Variants in MACF1 observed in about 807,000 individuals in gnomAD.
The protein encoded by MACF1 is microtubule-actin cross-linking factor 1.
A neutral mutation model predicts 854.8 loss-of-function variants in MACF1; 193 were observed. That is an observed-to-expected ratio of 0.23 (90% CI 0.20 to 0.25). MACF1 has a LOEUF of 0.25. Ranked by LOEUF, MACF1 falls within the 10% of genes least tolerant of loss-of-function variation. MACF1 has a pLI of 1.00. For synonymous variants in MACF1, 3,185 were observed against 3,226.7 expected (o/e 0.99, Z 0.44); for missense variants, 7,722 against 8,929.1 (o/e 0.86, Z 5.45).
chr1:39,115,560 G>T (rs998146389), intron 2 of MACF1, among the ~76,000 whole-genome samples: 1 of 152,070 alleles, frequency 6.6e-6, no homozygotes, highest in Non-Finnish European at 1.5e-5. Context: ...GTTACATTGC[G>T]GTCGAGGCTT....
intron 2 of MACF1, among the ~76,000 whole-genome samples, chr1:39,133,873 A>C (rs1264488359): frequency 6.6e-6 from 1 of 152,096 alleles, no homozygotes; most frequent in Non-Finnish European, 1.5e-5. Context: ...GTCCAGAAAA[A>C]TTCTTACAAA....
intron 4 of MACF1, among the ~76,000 whole-genome samples, chr1:39,253,917 G>A (rs1002781046): frequency 6.6e-6 from 1 of 152,150 alleles, no homozygotes; most frequent in Non-Finnish European, 1.5e-5. Flanking sequence ...CTTTCTCTAC[G>A]ATAGCATTTA....
intron 35 of MACF1, among the ~76,000 whole-genome samples, 184 bp downstream of exon 35, chr1:39,324,918 G>A (rs968452565): frequency 1.3e-5 from 2 of 152,224 alleles, no homozygotes; most frequent in Non-Finnish European, 1.5e-5. Context: ...GATTTTAAAT[G>A]TGATTGTGTT....
chr1:39,477,389 T>G (rs1644929648), intron 97 of MACF1, among the ~76,000 whole-genome samples: 1 of 151,880 alleles, frequency 6.6e-6, no homozygotes, highest in South Asian at 2.1e-4. Flanking sequence ...CATGCCTAGC[T>G]AATTTTTTAA....
chr1:39,170,397 A>T (rs1361291971), intron 2 of MACF1, among the ~76,000 whole-genome samples: 4 of 152,212 alleles, frequency 2.6e-5, no homozygotes. Flanking sequence ...CTTTCATTCG[A>T]CAAATGTGTA....
At chr1:39,086,812 G>A (rs996970382) in intron 2 of MACF1, among the ~76,000 whole-genome samples, 1 of 152,184 alleles carries the variant, frequency 6.6e-6, no homozygotes. Context: ...GGTGGGTGCT[G>A]CGCTGTGCTG....
In MACF1 at chr1:39,480,939, G is replaced by A. The variant is rs758540390; in HGVS notation, c.22190G>A (p.Arg7397His). ...TCACAGACTTCACTTCAGTTCTCTC[G>A]CTGTTATGACAAACCCTGGTTGGTA... is the stretch of plus-strand genomic sequence containing the variant. ...SGTKTSLQFS[R>H]CYDKPWLVNS... Residue 7397 changes from arginine to histidine, a missense_variant, in exon 99 of 101, where the codon CGC (arginine) becomes CAC (histidine). Arg to His is a conservative substitution (Grantham distance 29). Transcript: ENST00000564288. 191 of 1,548,956 alleles carry A rather than the reference G, an allele frequency of 1.2e-4. No homozygotes were observed. The highest frequency in any genetic ancestry group is 6.7e-4 in the Middle Eastern group (4 of 5,994).
intron 2 of MACF1, among the ~76,000 whole-genome samples, chr1:39,141,776 GA>G (rs1257275722): frequency 1.3e-5 from 2 of 152,122 alleles, no homozygotes; most frequent in Non-Finnish European, 2.9e-5. Context: ...CTTAGATTTG[GA>G]AAGATGAAAT....
intron 2 of MACF1, among the ~76,000 whole-genome samples, chr1:39,110,936 A>G (rs1035205260): frequency 2.0e-5 from 3 of 152,206 alleles, no homozygotes; most frequent in Non-Finnish European, 4.4e-5. Flanking sequence ...GTCACAAATG[A>G]ACAATTATAG....
At chr1:39,148,626 C>A (rs1314220418) in intron 2 of MACF1, among the ~76,000 whole-genome samples, 3 of 152,114 alleles carry the variant, frequency 2.0e-5, no homozygotes, top group African/African-American at 7.2e-5. Context: ...TATGTATCAG[C>A]ATCATTTATT....
At chr1:39,121,440 T>TTTTA (rs551997214) in intron 2 of MACF1, among the ~76,000 whole-genome samples, 214 of 152,100 alleles carry the variant, frequency 1.4e-3, no homozygotes, top group Middle Eastern at 3.4e-3. Flanking sequence ...TTTTGTTTTA[T>TTTTA]TTTATTTATT....
At chr1:39,322,761 A>G (rs995510917) in intron 32 of MACF1, 46 bp downstream of exon 32, 1 of 1,589,978 alleles carries the variant, frequency 6.3e-7, no homozygotes, top group African/African-American at 1.3e-5. Flanking sequence ...TCCCTTAAGG[A>G]AAGATTCATT....
At chr1:39,430,442 G>A (rs1643860717) in intron 65 of MACF1, among the ~76,000 whole-genome samples, 1 of 152,040 alleles carries the variant, frequency 6.6e-6, no homozygotes, top group Non-Finnish European at 1.5e-5. Context: ...TTGAAGTAAG[G>A]AGATGAAAGA....
intron 2 of MACF1, among the ~76,000 whole-genome samples, chr1:39,150,819 C>T (rs1266229337): frequency 1.3e-5 from 2 of 152,120 alleles, no homozygotes; most frequent in African/African-American, 4.8e-5. Context: ...TGATTTTATC[C>T]TCTCCTGATT....
intron 1 of MACF1, among the ~76,000 whole-genome samples, chr1:39,205,551 G>T (rs970896920): frequency 1.3e-5 from 2 of 152,142 alleles, no homozygotes; most frequent in African/African-American, 2.4e-5. Flanking sequence ...ATTTGGGTTG[G>T]AGAAGTTTCT....
chr1:39,085,215 A>G (rs939778739), intron 2 of MACF1, among the ~76,000 whole-genome samples: 8 of 152,210 alleles, frequency 5.3e-5, no homozygotes, highest in Admixed American at 2.6e-4. Flanking sequence ...AAGAATGCCC[A>G]CTGTGCAGGG....
rs1311049601 is a variant in MACF1 at position 39,430,711 on chromosome 1, A to G, written c.17140A>G (p.Lys5714Glu). The change falls in exon 66 of 101, where the codon AAG (lysine) becomes GAG (glutamate). Residue 5714 changes from lysine (K) to glutamate (E), a missense_variant. This residue lies in a region of MACF1 where 2,807 missense variants were observed against 3,235.8 expected (regional missense o/e 0.87). Coordinates refer to ENST00000564288, the MANE Select transcript of MACF1 (RefSeq NM_001394062.1). ...QFQQRQKELK[K>E]EVMEHRLVLD... ...TCTTTTCCCTCCTTAGGAATTAAAG[A>G]AGGAGGTCATGGAGCACAGGCTGGT... 4.3e-6 allele frequency: 7 copies of G among 1,611,876 alleles called. No homozygotes were observed. The highest frequency in any genetic ancestry group is 5.9e-6 in the Non-Finnish European group (7 of 1,179,784).
intron 87 of MACF1, among the ~76,000 whole-genome samples, chr1:39,453,070 A>T (rs557186593): frequency 3.0e-4 from 46 of 152,306 alleles, no homozygotes; most frequent in African/African-American, 1.1e-3. Context: ...CATGGTATTA[A>T]GAAAAATGTT....
At chr1:39,459,697 A>G (rs1644513392) in intron 91 of MACF1, 2 of 486,488 alleles carry the variant, frequency 4.1e-6, no homozygotes, top group Non-Finnish European at 3.4e-6. Context: ...TCACTTGATC[A>G]TGAGAAGCAA....
Sources: gnomAD v4.1 joint callset for allele counts (sites outside exome capture counted in the v4.1 genomes callset) on GRCh38, gnomAD v4.1.1 for gene constraint, gnomAD v4.1.1 regional missense constraint, MANE v1.5 for transcripts, NCBI Gene and HGNC (gene_info 2026-07-23, HGNC 2026-07-21) for gene names.